SMAD2: variants seen among roughly 807,000 people sequenced by gnomAD.
The protein encoded by SMAD2 is MAD homolog 2.
A neutral mutation model predicts 64.4 loss-of-function variants in SMAD2; 8 were observed. The ratio of observed to expected loss-of-function variants is 0.12; its 90% CI spans 0.07 to 0.22. The LOEUF (loss-of-function observed/expected upper bound fraction) is 0.22, where lower values mean the gene tolerates loss of function less well. SMAD2 is among the 10% of genes least tolerant of loss of function. The pLI is 1.00. For synonymous variants in SMAD2, 203 were observed against 195.8 expected (o/e 1.04, Z -0.31); for missense variants, 289 against 561.2 (o/e 0.51, Z 4.90).
At chr18:47,922,534 AC>A (rs2034604162) in intron 1 of SMAD2, 1 of 152,230 alleles carries the variant, frequency 6.6e-6, no homozygotes, top group South Asian at 2.1e-4. Context: ...TGTGCATAAA[AC>A]AAATTCTACA....
intron 2 of SMAD2, among the ~76,000 whole-genome samples, chr18:47,876,668 A>C (rs903091483): frequency 4.6e-5 from 7 of 152,124 alleles, no homozygotes; most frequent in Non-Finnish European, 8.8e-5. Context: ...AGAAATCCTT[A>C]TCAAATTTCC....
At position 47,809,611 on chromosome 18, in the gene SMAD2, A is replaced by T. The variant is rs1912139201; in HGVS notation, c.*32216T>A. Reference sequence around the variant, plus strand: ...CTTCCCTCCAGGTCGGAGCTCAAGAACCGGGCAGTGATTCCCATCTTATAA... The same window carrying T: ...CTTCCCTCCAGGTCGGAGCTCAAGATCCGGGCAGTGATTCCCATCTTATAA... On this transcript the variant is annotated 3_prime_UTR_variant, in exon 11 of 11. Coordinates refer to ENST00000262160, the MANE Select transcript of SMAD2 (RefSeq NM_005901.6). 1 of 152,254 alleles carries T rather than the reference A, an allele frequency of 6.6e-6. No homozygotes were observed. Among genetic ancestry groups the T allele is most frequent in the African/African-American group, 2.4e-5 (1 of 41,446 alleles). 9.4% of individuals were successfully genotyped at this position (152,254 alleles called of 1,614,324 possible).
intron 10 of SMAD2, chr18:47,845,130 C>T (rs368716328): frequency 1.6e-5 from 10 of 635,128 alleles, no homozygotes; most frequent in South Asian, 7.5e-5. Flanking sequence ...TTAAAATGCA[C>T]GCCTGTGCAT....
chr18:47,918,692 A>G (rs1474089652), intron 1 of SMAD2, among the ~76,000 whole-genome samples: 1 of 152,118 alleles, frequency 6.6e-6, no homozygotes, highest in Non-Finnish European at 1.5e-5. Context: ...AAAGAGCAGC[A>G]TGCTCTCAAA....
At chr18:47,898,194 A>C (rs955325381) in intron 1 of SMAD2, among the ~76,000 whole-genome samples, 2 of 152,254 alleles carry the variant, frequency 1.3e-5, no homozygotes, top group Non-Finnish European at 2.9e-5. Context: ...GAAGATGTGA[A>C]GAAATTGTTA....
rs1912734571 is a variant in SMAD2 at position 47,825,856 on chromosome 18, T to A, written c.*15971A>T. Reference sequence around the variant, plus strand: ...ACTGCTAAACCAGTATTGGGAAGCTTCCTAAAGCACTCCAAGCTCCTAAAA... The same window carrying A: ...ACTGCTAAACCAGTATTGGGAAGCTACCTAAAGCACTCCAAGCTCCTAAAA... On this transcript the variant is annotated 3_prime_UTR_variant, in exon 11 of 11. Coordinates refer to ENST00000262160, the MANE Select transcript of SMAD2 (RefSeq NM_005901.6). 6.6e-6 allele frequency: 1 copy of A among 152,214 alleles called. No individual in the cohort carries two copies. The highest frequency in any genetic ancestry group is 1.5e-5 in the Non-Finnish European group (1 of 68,040). 9.4% of individuals were successfully genotyped at this position (152,214 alleles called of 1,614,324 possible). A position where few individuals can be genotyped will look rare whatever the true frequency, so the allele number is the denominator to read the frequency against.
At chr18:47,890,108 G>GC (rs1394125852) in intron 2 of SMAD2, among the ~76,000 whole-genome samples, 6 of 152,158 alleles carry the variant, frequency 3.9e-5, no homozygotes, top group African/African-American at 1.4e-4. Context: ...TGGAGCAGGA[G>GC]CCCCCTCAAA....
In SMAD2 at chr18:47,823,471, C is replaced by T. The variant is rs534772432; in HGVS notation, c.*18356G>A. On this transcript the variant is annotated 3_prime_UTR_variant, in exon 11 of 11. Transcript: ENST00000262160. The stretch of plus-strand genomic sequence containing the variant: ...TGCAGACTGGATTTGCTCCTGAATC[C>T]TCCTAATTTCCTTCAATATTTGGCT... 41 of 152,252 alleles carry T rather than the reference C, an allele frequency of 2.7e-4. No individual in the cohort carries two copies. Among genetic ancestry groups the T allele is most frequent in the African/African-American group, 9.1e-4 (38 of 41,544 alleles). The allele number at this position is 152,252 out of a possible 1,614,324, so 9.4% of individuals were successfully genotyped here.
chr18:47,827,173 T>G lies in SMAD2; in HGVS notation c.*14654A>C, dbSNP rs1054575310. The G allele has an allele frequency of 6.6e-6, 1 of 152,196 alleles. No homozygotes were observed. Among genetic ancestry groups the G allele is most frequent in the African/African-American group, 2.4e-5 (1 of 41,454 alleles). 9.4% of individuals were successfully genotyped at this position (152,196 alleles called of 1,614,324 possible). A position where few individuals can be genotyped will look rare whatever the true frequency, so the allele number is the denominator to read the frequency against. Reference sequence around the variant, plus strand: ...TCAAAGTAGGCAATTGAGTTTTCATTCTATTATCCAAGGTAACTGAAGTAT... The same window carrying G: ...TCAAAGTAGGCAATTGAGTTTTCATGCTATTATCCAAGGTAACTGAAGTAT... On this transcript the variant is annotated 3_prime_UTR_variant, in exon 11 of 11. Transcript: ENST00000262160.
intron 1 of SMAD2, among the ~76,000 whole-genome samples, chr18:47,903,553 T>C (rs143509541): frequency 3.9e-5 from 6 of 152,256 alleles, no homozygotes; most frequent in Non-Finnish European, 5.9e-5. Context: ...TCAATCTCCA[T>C]TGTTTTTATA....
At chr18:47,883,026 G>GTTTA (rs2032698292) in intron 2 of SMAD2, among the ~76,000 whole-genome samples, 1 of 152,086 alleles carries the variant, frequency 6.6e-6, no homozygotes, top group African/African-American at 2.4e-5. Context: ...TCTAACAAGC[G>GTTTA]TTTATCTCTC....
intron 10 of SMAD2, among the ~76,000 whole-genome samples, chr18:47,843,087 CT>C (rs1385424482): frequency 6.6e-6 from 1 of 152,156 alleles, no homozygotes; most frequent in Non-Finnish European, 1.5e-5. Flanking sequence ...CCACTGTACC[CT>C]TTGGATTTTT....
chr18:47,923,996 C>T (rs2034661696), intron 1 of SMAD2, among the ~76,000 whole-genome samples: 1 of 152,172 alleles, frequency 6.6e-6, no homozygotes, highest in Non-Finnish European at 1.5e-5. Flanking sequence ...CGCATGTAAT[C>T]CCAACACTTT....
intron 1 of SMAD2, among the ~76,000 whole-genome samples, chr18:47,910,081 C>A (rs1311646647): frequency 6.6e-6 from 1 of 151,790 alleles, no homozygotes; most frequent in East Asian, 1.9e-4. Flanking sequence ...ATGATACATT[C>A]CTACTAGAGA....
In SMAD2 at chr18:47,813,090, C is replaced by A. The variant is rs1425818692; in HGVS notation, c.*28737G>T. 6.6e-6 allele frequency: 1 copy of A among 152,148 alleles called. No individual in the cohort carries two copies. The highest frequency in any genetic ancestry group is 1.5e-5 in the Non-Finnish European group (1 of 68,098). 9.4% of individuals were successfully genotyped at this position (152,148 alleles called of 1,614,324 possible). On this transcript the variant is annotated 3_prime_UTR_variant, in exon 11 of 11. Transcript: ENST00000262160. ...AATTAGCCAGGTGTGGTGGCGGGCA[C>A]CTGCAATCCCAGCTACTCAAGAGGC...
intron 8 of SMAD2, among the ~76,000 whole-genome samples, chr18:47,846,674 C>G (rs1449308748): frequency 2.0e-5 from 3 of 152,138 alleles, no homozygotes. Flanking sequence ...CATCTAGGAG[C>G]TGAATTCTGC....
intron 1 of SMAD2, among the ~76,000 whole-genome samples, chr18:47,911,541 T>C (rs1469163996): frequency 1.3e-5 from 2 of 152,106 alleles, no homozygotes; most frequent in Admixed American, 6.6e-5. Flanking sequence ...TCAACCCTTT[T>C]TAGGGATGTA....
At chr18:47,856,740 T>C (rs578145226) in intron 6 of SMAD2, among the ~76,000 whole-genome samples, 3 of 152,322 alleles carry the variant, frequency 2.0e-5, no homozygotes, top group Admixed American at 6.5e-5. Flanking sequence ...ATGAGGTTCA[T>C]TACAGCATTG....
At chr18:47,918,886 C>A (rs1019511447) in intron 1 of SMAD2, among the ~76,000 whole-genome samples, 7 of 152,050 alleles carry the variant, frequency 4.6e-5, no homozygotes, top group Admixed American at 6.5e-5. Context: ...AATGTCCCAA[C>A]AACAGTTCCA....
Sources: allele counts gnomAD v4.1 joint callset (sites outside exome capture counted in the v4.1 genomes callset), GRCh38; gene constraint gnomAD v4.1.1; transcripts MANE v1.5; gene names NCBI Gene and HGNC (gene_info 2026-07-23, HGNC 2026-07-21).